Variants in SLC26A8 observed in about 807,000 individuals in gnomAD.
SLC26A8 encodes the protein testis anion transporter 1.
Under a neutral mutation model 105.0 loss-of-function variants are expected in SLC26A8, and 70 were observed. That is an observed-to-expected ratio of 0.67 (90% CI 0.55 to 0.81). The LOEUF (loss-of-function observed/expected upper bound fraction) is 0.81. Ranked by LOEUF, SLC26A8 falls within the 40% of genes least tolerant of loss-of-function variation. The pLI, the probability that SLC26A8 is intolerant of heterozygous loss-of-function variation, is 0.00. For synonymous variants in SLC26A8, 415 were observed against 438.3 expected (o/e 0.95, Z 0.66); for missense variants, 998 against 1,181.8 (o/e 0.84, Z 2.28).
intron 3 of SLC26A8, among the ~76,000 whole-genome samples, chr6:36,001,290 G>T (rs192464027): frequency 6.6e-6 from 1 of 151,986 alleles, no homozygotes; most frequent in Non-Finnish European, 1.5e-5. Context: ...CACCATGCCC[G>T]GCTAATTTTT....
At chr6:35,991,100 C>T (rs1761136238) in intron 7 of SLC26A8, among the ~76,000 whole-genome samples, 1 of 151,982 alleles carries the variant, frequency 6.6e-6, no homozygotes, top group Non-Finnish European at 1.5e-5. Flanking sequence ...AAGGCGAAAA[C>T]AATTAAAAAT....
intron 7 of SLC26A8, among the ~76,000 whole-genome samples, chr6:35,985,942 T>G (rs1489518417): frequency 6.7e-6 from 1 of 149,676 alleles, no homozygotes; most frequent in Non-Finnish European, 1.5e-5. Flanking sequence ...ATATACAACA[T>G]GTTGTTTTAA....
At position 35,955,600 on chromosome 6, in the gene SLC26A8, T is replaced by C. The variant is rs180896074; in HGVS notation, c.1864-80A>G. The C allele has an allele frequency of 9.8e-5, 150 of 1,531,438 alleles. No individual in the cohort carries two copies. The Middle Eastern group carries it at 1.8e-3, about 19-fold the overall frequency. The allele number at this position is 1,531,438 out of a possible 1,614,324, so 94.9% of individuals were successfully genotyped here. ...GGACTTGCAACGATGCTATTTCTTG[T>C]CTCTGCCAGCTCATGTCCCTCTCTC... On this transcript the variant is annotated intron_variant, in intron 16 of 19. Transcript: ENST00000490799.
intron 7 of SLC26A8, among the ~76,000 whole-genome samples, chr6:35,985,616 C>T (rs1773477380): frequency 6.8e-6 from 1 of 147,300 alleles, no homozygotes; most frequent in African/African-American, 2.5e-5. Flanking sequence ...TCGTTTGAAC[C>T]TGGGAGGCAG....
intron 2 of SLC26A8, among the ~76,000 whole-genome samples, chr6:36,013,060 G>A (rs548564603): frequency 6.6e-5 from 10 of 152,154 alleles, no homozygotes; most frequent in Non-Finnish European, 1.5e-4. Context: ...AGAAAATAGA[G>A]AATATGAAGT....
chr6:35,959,601 A>G lies in SLC26A8; in HGVS notation c.1732-10T>C, dbSNP rs1313332229. On this transcript the variant is annotated splice_polypyrimidine_tract_variant and intron_variant, in intron 15 of 19. Coordinates refer to ENST00000490799, the MANE Select transcript of SLC26A8 (RefSeq NM_052961.4). ...CCTTTACCATATCAACCTGAAAGACATGAGAGGTCTCATCCAGAGGAAGAA... is the reference window on the plus strand; with the variant it reads ...CCTTTACCATATCAACCTGAAAGACGTGAGAGGTCTCATCCAGAGGAAGAA... 1.2e-6 allele frequency: 2 copies of G among 1,611,640 alleles called. No individual in the cohort carries two copies. Among genetic ancestry groups the G allele is most frequent in the Non-Finnish European group, 1.7e-6 (2 of 1,179,392 alleles).
chr6:36,005,245 C>T (rs937146410), intron 3 of SLC26A8, among the ~76,000 whole-genome samples: 8 of 152,064 alleles, frequency 5.3e-5, no homozygotes, highest in Admixed American at 2.6e-4. Context: ...CACAGCTTCT[C>T]CTAATGTTAA....
At chr6:35,951,986 GA>G (rs368328984) in intron 17 of SLC26A8, among the ~76,000 whole-genome samples, 34 of 152,248 alleles carry the variant, frequency 2.2e-4, no homozygotes, top group African/African-American at 7.0e-4. Flanking sequence ...CTCTATGCCG[GA>G]AAACATCTAC....
chr6:35,979,308 G>A lies in SLC26A8; in HGVS notation c.1026-1957C>T, dbSNP rs529265351. The stretch of plus-strand genomic sequence containing the variant: ...CTGGCTAACACGGTGAAACCCCATC[G>A]CTACTAAAAATACAAAAATTAGCCG... On this transcript the variant is annotated intron_variant, in intron 8 of 19. Coordinates refer to ENST00000490799, the MANE Select transcript of SLC26A8 (RefSeq NM_052961.4). Among the ~76,000 whole-genome samples the A allele has an allele frequency of 9.2e-5, 14 of 151,762 alleles. No individual in the cohort carries two copies. In the East Asian group the frequency reaches 2.3e-3, roughly 25 times the overall value.
In SLC26A8 at chr6:35,983,123, C is replaced by T. The variant is rs192490524; in HGVS notation, c.943-920G>A. ...CATCTACTGCAGGAGTTCAACCAGA[C>T]GCTGAACAGAACAGCAGTTGACTAA... On this transcript the variant is annotated intron_variant, in intron 7 of 19. Transcript: ENST00000490799. 6.6e-5 allele frequency among the ~76,000 whole-genome samples: 10 copies of T among 152,296 alleles called. No homozygotes were observed. The South Asian group carries it at 1.2e-3, about 19-fold the overall frequency.
At chr6:35,980,924 A>G (rs1773241044) in intron 8 of SLC26A8, among the ~76,000 whole-genome samples, 1 of 152,058 alleles carries the variant, frequency 6.6e-6, no homozygotes, top group South Asian at 2.1e-4. Context: ...GAGCAGGAGA[A>G]TCACTTGAAC....
intron 11 of SLC26A8, among the ~76,000 whole-genome samples, chr6:35,965,474 G>A (rs922497268): frequency 6.6e-6 from 1 of 151,738 alleles, no homozygotes; most frequent in African/African-American, 2.4e-5. Context: ...GAGGTTGGGG[G>A]TTCGAGACCA....
chr6:35,977,393 C>T lies in SLC26A8; in HGVS notation c.1026-42G>A, dbSNP rs200297611. On this transcript the variant is annotated intron_variant, in intron 8 of 19. Transcript: ENST00000490799. Reference sequence around the variant, plus strand: ...GAATTATTTCTGGATAGCAGGAATCCTTTCTTGGTACCTCCGCCACTCTAT... The same window carrying T: ...GAATTATTTCTGGATAGCAGGAATCTTTTCTTGGTACCTCCGCCACTCTAT... The T allele has an allele frequency of 6.3e-6, 10 of 1,585,148 alleles. No homozygotes were observed. In the African/African-American group the frequency reaches 9.5e-5, roughly 15 times the overall value.
chr6:35,991,693 T>C lies in SLC26A8; in HGVS notation c.908A>G (p.Gln303Arg), dbSNP rs1465012120. The change falls in exon 7 of 20, where the codon CAG becomes CGG. Residue 303 changes from glutamine to arginine, a missense_variant. Transcript: ENST00000490799. ...INKCIRISFN[Q>R]YPIEFPMELF... ...TTCCATGGGAAACTCAATGGGATAC[T>C]GATTGAAAGAAATTCTGATACATTT... is the stretch of plus-strand genomic sequence containing the variant. 2 of 1,603,716 alleles carry C rather than the reference T, an allele frequency of 1.2e-6. No homozygotes were observed. Among genetic ancestry groups the C allele is most frequent in the Non-Finnish European group, 1.7e-6 (2 of 1,176,488 alleles).
At chr6:35,971,404 G>A (rs1366653621) in intron 10 of SLC26A8, among the ~76,000 whole-genome samples, 2 of 152,190 alleles carry the variant, frequency 1.3e-5, no homozygotes, top group African/African-American at 2.4e-5. Flanking sequence ...TCAAAGCCAT[G>A]TGAGTTTCCA....
chr6:35,956,509 T>A (rs1772067607), intron 16 of SLC26A8, among the ~76,000 whole-genome samples: 2 of 151,698 alleles, frequency 1.3e-5, no homozygotes, highest in Non-Finnish European at 2.9e-5. Context: ...CCAGACTGCC[T>A]GCTATAGCTT....
intron 7 of SLC26A8, among the ~76,000 whole-genome samples, chr6:35,985,508 C>T (rs997211481): frequency 6.6e-6 from 1 of 151,700 alleles, no homozygotes; most frequent in Non-Finnish European, 1.5e-5. Flanking sequence ...TCCTGGCCAA[C>T]ATGGTGAAAC....
intron 17 of SLC26A8, among the ~76,000 whole-genome samples, chr6:35,952,056 G>C (rs1009186661): frequency 6.6e-6 from 1 of 152,192 alleles, no homozygotes; most frequent in Non-Finnish European, 1.5e-5. Context: ...GAGCAGGAGG[G>C]AGAGCTGCCC....
rs1761881320 is a variant in SLC26A8 at position 36,012,263 on chromosome 6, T to C, written c.298A>G (p.Ile100Val). 1 of 1,612,184 alleles carries C rather than the reference T, an allele frequency of 6.2e-7. No individual in the cohort carries two copies. Among genetic ancestry groups the C allele is most frequent in the Non-Finnish European group, 8.5e-7 (1 of 1,179,452 alleles). Residue 100 changes from isoleucine to valine, a missense_variant, in exon 3 of 20, where the codon ATA (isoleucine) becomes GTA (valine). Coordinates refer to ENST00000490799, the MANE Select transcript of SLC26A8 (RefSeq NM_052961.4). ...DWLLGDLLAG[I>V]SVGLVQVPQG... ...GGAACTTGCACAAGGCCAACACTTA[T>C]ACCAGCAAGTAAGTCTCCCAGAAGC...
Sources: gnomAD v4.1 joint callset for allele counts (sites outside exome capture counted in the v4.1 genomes callset) on GRCh38, gnomAD v4.1.1 for gene constraint, MANE v1.5 for transcripts, NCBI Gene and HGNC (gene_info 2026-07-23, HGNC 2026-07-21) for gene names.